Variants in PCGF5 observed in about 807,000 individuals in gnomAD.
PCGF5 encodes polycomb group RING finger protein 5.
A neutral mutation model predicts 44.3 loss-of-function variants in PCGF5; 9 were observed. The observed-to-expected ratio is 0.20, with a 90% CI of 0.12 to 0.35. The LOEUF is 0.35. PCGF5 is among the 10% of genes least tolerant of loss of function. PCGF5 has a pLI of 1.00. For missense variants in PCGF5, 146 were observed against 305.3 expected, an observed-to-expected ratio of 0.48 and a Z score of 3.89; for synonymous variants, 95 against 102.5, an observed-to-expected ratio of 0.93 and a Z score of 0.44.
At chr10:91,259,214 G>T (rs1845832554) in intron 6 of PCGF5, among the ~76,000 whole-genome samples, 1 of 152,090 alleles carries the variant, frequency 6.6e-6, no homozygotes, top group Non-Finnish European at 1.5e-5. Flanking sequence ...AGAGAAGTTT[G>T]TTCTTCCAGT....
chr10:91,283,494 G>A lies in PCGF5; in HGVS notation c.*5178G>A, dbSNP rs1395549034. The A allele has an allele frequency of 6.6e-6, 1 of 152,186 alleles. No homozygotes were observed. Among genetic ancestry groups the A allele is most frequent in the African/African-American group, 2.4e-5 (1 of 41,450 alleles). The allele number at this position is 152,186 out of a possible 1,614,324, so 9.4% of individuals were successfully genotyped here. ...AAGAAACTAATCTAGTGCAAATGAA[G>A]ATTAAATATTTCTGGGTGATGGAGA... is the stretch of plus-strand genomic sequence containing the variant. On this transcript the variant is annotated 3_prime_UTR_variant, in exon 10 of 10. Coordinates refer to ENST00000336126, the MANE Select transcript of PCGF5 (RefSeq NM_032373.5).
intron 3 of PCGF5, among the ~76,000 whole-genome samples, chr10:91,245,875 G>C (rs1275595881): frequency 6.6e-6 from 1 of 152,190 alleles, no homozygotes; most frequent in African/African-American, 2.4e-5. Flanking sequence ...CCAGGGGAGT[G>C]AGAGGATCAG....
intron 1 of PCGF5, among the ~76,000 whole-genome samples, chr10:91,170,717 G>A (rs940088224): frequency 1.3e-5 from 2 of 152,150 alleles, no homozygotes; most frequent in African/African-American, 4.8e-5. Context: ...CTTACAAAAC[G>A]AAACATACTC....
In PCGF5 at chr10:91,222,867, C is replaced by T. The variant is rs774512657; in HGVS notation, c.-5C>T. On this transcript the variant is annotated 5_prime_UTR_variant, in exon 2 of 10. Coordinates refer to ENST00000336126, the MANE Select transcript of PCGF5 (RefSeq NM_032373.5). ...ACTACTAAAGCCAGTCTTCACTAGCCACGAATGGCTACCCAAAGGAAACAC... is the reference window on the plus strand; with the variant it reads ...ACTACTAAAGCCAGTCTTCACTAGCTACGAATGGCTACCCAAAGGAAACAC... 1.3e-6 allele frequency: 2 copies of T among 1,583,224 alleles called. No homozygotes were observed. The highest frequency in any genetic ancestry group is 1.7e-6 in the Non-Finnish European group (2 of 1,152,148).
At chr10:91,178,714 A>G (rs1843761374) in intron 1 of PCGF5, among the ~76,000 whole-genome samples, 1 of 152,050 alleles carries the variant, frequency 6.6e-6, no homozygotes, top group Non-Finnish European at 1.5e-5. Context: ...TAAACGTAGT[A>G]GTACACTTTG....
intron 1 of PCGF5, among the ~76,000 whole-genome samples, chr10:91,204,334 T>A (rs1010367946): frequency 2.7e-5 from 4 of 150,762 alleles, no homozygotes; most frequent in Non-Finnish European, 4.4e-5. Context: ...GGTTTTCATT[T>A]AAAAAAAAAC....
At chr10:91,207,639 C>T (rs1382447762) in intron 1 of PCGF5, among the ~76,000 whole-genome samples, 1 of 152,176 alleles carries the variant, frequency 6.6e-6, no homozygotes, top group African/African-American at 2.4e-5. Flanking sequence ...AGTCCCAATT[C>T]AGTAAACAGT....
At chr10:91,272,203 A>G (rs1846195850) in intron 9 of PCGF5, among the ~76,000 whole-genome samples, 2 of 152,258 alleles carry the variant, frequency 1.3e-5, no homozygotes, top group African/African-American at 4.8e-5. Flanking sequence ...AGAAAAGTTG[A>G]ACATGTGTCT....
At chr10:91,228,210 A>G (rs1405754600) in intron 2 of PCGF5, among the ~76,000 whole-genome samples, 1 of 152,162 alleles carries the variant, frequency 6.6e-6, no homozygotes, top group Non-Finnish European at 1.5e-5. Flanking sequence ...AAAGCTGCTT[A>G]GAATGTATCT....
intron 1 of PCGF5, among the ~76,000 whole-genome samples, chr10:91,175,657 A>G (rs1227674930): frequency 6.6e-6 from 1 of 152,376 alleles, no homozygotes; most frequent in South Asian, 2.1e-4. Context: ...AAAACAAATG[A>G]ACAACAATAA....
At chr10:91,271,543 T>C (rs1489689522) in intron 8 of PCGF5, 95 bp from the exon 9 acceptor site, 2 of 959,250 alleles carry the variant, frequency 2.1e-6, no homozygotes, top group Non-Finnish European at 3.1e-6. Context: ...TCATGTTGAC[T>C]CTTGTGTTTG....
chr10:91,249,945 G>A (rs1020150355), intron 5 of PCGF5, among the ~76,000 whole-genome samples: 4 of 151,978 alleles, frequency 2.6e-5, no homozygotes, highest in Admixed American at 6.6e-5. Context: ...TCCAGTTTTT[G>A]ACTGCCTATT....
In PCGF5 at chr10:91,226,216, C is replaced by T. The variant is rs773000629; in HGVS notation, c.112+3233C>T. Among the ~76,000 whole-genome samples, 11 of 127,916 alleles carry T rather than the reference C, an allele frequency of 8.6e-5. 1 individual carries two copies. Among genetic ancestry groups the T allele is most frequent in the Non-Finnish European group, 1.7e-4 (11 of 63,464 alleles). The allele number at this position is 127,916 out of a possible 152,430, so 83.9% of individuals were successfully genotyped here. ...TAAATGAAGCTTTATAATTGGTGTG[C>T]AAAACCAGACATAGAACCTGCCCTT... On this transcript the variant is annotated intron_variant, in intron 2 of 9. Coordinates refer to ENST00000336126, the MANE Select transcript of PCGF5 (RefSeq NM_032373.5).
intron 1 of PCGF5, among the ~76,000 whole-genome samples, chr10:91,169,658 T>C (rs1241648536): frequency 6.6e-6 from 1 of 152,202 alleles, no homozygotes; most frequent in African/African-American, 2.4e-5. Context: ...GGAGATATAG[T>C]CCATCTTCAT....
rs535608836 is a variant in PCGF5 at position 91,168,890 on chromosome 10, T to C, written c.-184+5809T>C. Among the ~76,000 whole-genome samples, 4 of 128,626 alleles carry C rather than the reference T, an allele frequency of 3.1e-5. No individual in the cohort carries two copies. In the East Asian group the frequency reaches 8.9e-4, roughly 29 times the overall value. The allele number at this position is 128,626 out of a possible 152,430, so 84.4% of individuals were successfully genotyped here. ...TTGCAGTGAGCTGAGATTGCACCATTGGACTCCAGCCTGGGCGACAGTGTG... is the reference window on the plus strand; with the variant it reads ...TTGCAGTGAGCTGAGATTGCACCATCGGACTCCAGCCTGGGCGACAGTGTG... On this transcript the variant is annotated intron_variant, in intron 1 of 9. Transcript: ENST00000614189.
At chr10:91,238,463 T>C (rs1367395191) in intron 2 of PCGF5, among the ~76,000 whole-genome samples, 1 of 152,128 alleles carries the variant, frequency 6.6e-6, no homozygotes, top group Non-Finnish European at 1.5e-5. Context: ...TACCTCTCTA[T>C]TTGGTCAAGC....
intron 1 of PCGF5, among the ~76,000 whole-genome samples, chr10:91,164,193 G>A (rs147274705): frequency 0.015 from 2,289 of 152,300 alleles, 58 homozygotes; most frequent in African/African-American, 0.053. Context: ...GGAGGGGCGG[G>A]GAAGACTTAG....
intron 6 of PCGF5, 86 bp from the exon 7 acceptor site, chr10:91,261,240 A>C: frequency 7.4e-7 from 1 of 1,349,212 alleles, no homozygotes; most frequent in Non-Finnish European, 9.7e-7. Flanking sequence ...AATGATAGTG[A>C]AACTGGTAGC....
chr10:91,195,270 G>A (rs1844107092), intron 1 of PCGF5, among the ~76,000 whole-genome samples: 1 of 150,938 alleles, frequency 6.6e-6, no homozygotes, highest in Admixed American at 6.6e-5. Flanking sequence ...CTGAACATTA[G>A]CTATCACCTC....
Sources: gnomAD v4.1 joint callset for allele counts (sites outside exome capture counted in the v4.1 genomes callset) on GRCh38, gnomAD v4.1.1 for gene constraint, MANE v1.5 for transcripts, NCBI Gene and HGNC (gene_info 2026-07-23, HGNC 2026-07-21) for gene names.